The following MUC5AC variants were observed in gnomAD, a reference collection of about 807,000 sequenced individuals.
MUC5AC encodes the protein mucin-5AC.
A neutral mutation model predicts 169.7 loss-of-function variants in MUC5AC; 158 were observed. The ratio of observed to expected loss-of-function variants is 0.93; its 90% CI spans 0.82 to 1.06. The LOEUF (loss-of-function observed/expected upper bound fraction) is 1.06. Ranked by LOEUF, MUC5AC falls within the 50% of genes least tolerant of loss-of-function variation. The pLI is 0.00. For synonymous variants in MUC5AC, 1,975 were observed against 1,237.0 expected, an observed-to-expected ratio of 1.60 and a Z score of -12.52; for missense variants, 4,359 against 3,089.9, an observed-to-expected ratio of 1.41 and a Z score of -9.74.
Position 1,160,752 on chromosome 11 carries a change from C to T in MUC5AC, c.151+63C>T, listed in dbSNP as rs1022072630. On this transcript the variant is annotated intron_variant, in intron 2 of 48. Coordinates refer to ENST00000621226, the MANE Select transcript of MUC5AC (RefSeq NM_001304359.2). ...AGATTCCACCCTCCACCGTGTGGCA[C>T]GGCCCCTAGGGCCACTGGTCTTAGG... is the stretch of plus-strand genomic sequence containing the variant. 4.2e-5 allele frequency: 63 copies of T among 1,508,162 alleles called. 1 individual carries two copies. The highest frequency in any genetic ancestry group is 1.3e-4 in the Admixed American group (7 of 53,524). 93.4% of individuals were successfully genotyped at this position (1,508,162 alleles called of 1,614,324 possible). A position where few individuals can be genotyped will look rare whatever the true frequency, so the allele number is the denominator to read the frequency against.
intron 26 of MUC5AC, 41 bp from the exon 27 acceptor site, chr11:1,179,981 A>G (rs1860777432): frequency 1.5e-5 from 6 of 398,368 alleles, no homozygotes; most frequent in Admixed American, 4.4e-5. Flanking sequence ...TCTGCGAGTG[A>G]GTTCCTGGGA....
At position 1,188,147 on chromosome 11, in the gene MUC5AC, A is replaced by C; in HGVS notation, c.10002A>C (p.Thr3334=). ...GCCCCGTGACCTCCACACCTGTGACAGCTCCTAGCACCCCTAGTGGGAGAG... is the reference window on the plus strand; with the variant it reads ...GCCCCGTGACCTCCACACCTGTGACCGCTCCTAGCACCCCTAGTGGGAGAG... ...KGCPVTSTPV[T]APSTPSGRAT... Residue 3334 remains threonine (T), a synonymous_variant, in exon 31 of 49, where the codon ACA becomes ACC. Coordinates refer to ENST00000621226, the MANE Select transcript of MUC5AC (RefSeq NM_001304359.2). 1.4e-6 allele frequency: 1 copy of C among 720,180 alleles called. No homozygotes were observed. The highest frequency in any genetic ancestry group is 2.4e-5 in the East Asian group (1 of 40,922). 44.6% of individuals were successfully genotyped at this position (720,180 alleles called of 1,614,324 possible). A position where few individuals can be genotyped will look rare whatever the true frequency, so the allele number is the denominator to read the frequency against.
At position 1,181,465 on chromosome 11, in the gene MUC5AC, G is replaced by A. The variant is rs1232686943; in HGVS notation, c.4009+6G>A. 2 of 344,568 alleles carry A rather than the reference G, an allele frequency of 5.8e-6. No individual in the cohort carries two copies. The highest frequency in any genetic ancestry group is 7.6e-5 in the East Asian group (2 of 26,344). 21.3% of individuals were successfully genotyped at this position (344,568 alleles called of 1,614,324 possible). On this transcript the variant is annotated splice_donor_region_variant and intron_variant, in intron 30 of 48. Coordinates refer to ENST00000621226, the MANE Select transcript of MUC5AC (RefSeq NM_001304359.2). ...CTTCTCCACACCCCCGCTTGGTAAG[G>A]CAAATGTGGCCGAGGAGCCCCAGGG...
intron 48 of MUC5AC, 114 bp from the exon 49 acceptor site, chr11:1,200,324 A>G: frequency 1.7e-6 from 1 of 602,690 alleles, no homozygotes; most frequent in South Asian, 1.9e-5. Context: ...CACTGGCAGC[A>G]TGCCTCCAGG....
Position 1,198,018 on chromosome 11 carries a change from A to T in MUC5AC, c.16135+14A>T. ...TCCAAAACTGCAGTGAGTGGCCTGG[A>T]CCAGGCCCTGTCAGGGGCCGTGGGC... On this transcript the variant is annotated intron_variant, in intron 42 of 48. Coordinates refer to ENST00000621226, the MANE Select transcript of MUC5AC (RefSeq NM_001304359.2). The T allele has an allele frequency of 1.5e-6, 1 of 669,370 alleles. No homozygotes were observed. The highest frequency in any genetic ancestry group is 1.6e-5 in the South Asian group (1 of 61,454). The allele number at this position is 669,370 out of a possible 1,614,324, so 41.5% of individuals were successfully genotyped here. A position where few individuals can be genotyped will look rare whatever the true frequency, so the allele number is the denominator to read the frequency against.
chr11:1,163,190 G>T, intron 6 of MUC5AC, 145 bp downstream of exon 6: 1 of 778,588 alleles, frequency 1.3e-6, no homozygotes. Context: ...CAGCACACAC[G>T]TGCACACACG....
chr11:1,170,464 C>T (rs1172662424), intron 15 of MUC5AC, among the ~76,000 whole-genome samples: 4 of 136,634 alleles, frequency 2.9e-5, no homozygotes, highest in East Asian at 2.3e-4. Flanking sequence ...CACTCACCGA[C>T]TCACCCATTC....
intron 46 of MUC5AC, 35 bp from the exon 47 acceptor site, chr11:1,199,660 G>A (rs897436373): frequency 5.6e-5 from 39 of 702,222 alleles, no homozygotes; most frequent in East Asian, 2.7e-4. Flanking sequence ...GCCGCCGAGC[G>A]CCTCGGCACT....
At position 1,196,925 on chromosome 11, in the gene MUC5AC, GC is replaced by G; in HGVS notation, c.15861+20del. 1.3e-6 allele frequency: 1 copy of G among 760,288 alleles called. No homozygotes were observed. Among genetic ancestry groups the G allele is most frequent in the Non-Finnish European group, 2.4e-6 (1 of 415,890 alleles). The allele number at this position is 760,288 out of a possible 1,614,324, so 47.1% of individuals were successfully genotyped here. ...CCGGTGAAGGTGAGTGGAAGGCATG[GC>G]CCAAGAGGGCACTGGGGTCCAAGAG... On this transcript the variant is annotated intron_variant, in intron 40 of 48. Transcript: ENST00000621226.
chr11:1,175,677 C>A (rs1860658803), intron 19 of MUC5AC, among the ~76,000 whole-genome samples: 4 of 149,414 alleles, frequency 2.7e-5, no homozygotes. Context: ...CACTCACACC[C>A]ACTCATGCAC....
Position 1,195,133 on chromosome 11 carries a change from G to C in MUC5AC, c.15312G>C (p.Arg5104=), listed in dbSNP as rs1861234172. ...VSIPDQPACH[R]PHPTPTTVGP... is the part of the protein sequence containing the mutation. ...TACCCGACCAGCCAGCCTGCCACCG[G>C]CCTCACCCGACGCCCACCACGGTCG... is the stretch of plus-strand genomic sequence containing the variant. The change falls in exon 36 of 49, where the codon CGG becomes CGC. Residue 5104 remains arginine, a synonymous_variant. Coordinates refer to ENST00000621226, the MANE Select transcript of MUC5AC (RefSeq NM_001304359.2). The C allele has an allele frequency of 1.3e-6, 1 of 762,288 alleles. No individual in the cohort carries two copies. The highest frequency in any genetic ancestry group is 2.4e-6 in the Non-Finnish European group (1 of 416,988). The allele number at this position is 762,288 out of a possible 1,614,324, so 47.2% of individuals were successfully genotyped here.
intron 24 of MUC5AC, 103 bp downstream of exon 24, chr11:1,177,736 A>C: frequency 2.6e-6 from 1 of 391,250 alleles, no homozygotes; most frequent in Non-Finnish European, 4.5e-6. Flanking sequence ...CACAGAGAGA[A>C]ACACAGAGAT....
rs958315282 is a variant in MUC5AC at position 1,180,586 on chromosome 11, G to C, written c.3776+70G>C. 1.3e-5 allele frequency: 5 copies of C among 398,766 alleles called. No individual in the cohort carries two copies. The Admixed American group carries it at 1.8e-4, about 14-fold the overall frequency. The allele number at this position is 398,766 out of a possible 1,614,324, so 24.7% of individuals were successfully genotyped here. ...GGAATTTGACCACGGCCTGGGCTTT[G>C]GGTGGGGCTGGGAGCGGCAGGGCTG... On this transcript the variant is annotated intron_variant, in intron 28 of 48. Transcript: ENST00000621226.
At position 1,160,854 on chromosome 11, in the gene MUC5AC, C is replaced by G. The variant is rs532811948; in HGVS notation, c.151+165C>G. Among the ~76,000 whole-genome samples the G allele has an allele frequency of 5.9e-5, 9 of 152,334 alleles. No homozygotes were observed. In the South Asian group the frequency reaches 1.9e-3, roughly 32 times the overall value. On this transcript the variant is annotated intron_variant, in intron 2 of 48. Transcript: ENST00000621226. ...ACACCCCCACATCCATGGCCCTGGTCGGTCACACTACCTGCCTCTCCTTGG... is the reference window on the plus strand; with the variant it reads ...ACACCCCCACATCCATGGCCCTGGTGGGTCACACTACCTGCCTCTCCTTGG...
rs770205379 is a variant in MUC5AC, at chr11:1,200,665, G to A, written c.16928G>A (p.Ser5643Asn). The change falls in exon 49 of 49, where the codon AGC becomes AAC. Residue 5643 changes from serine (S) to asparagine (N), a missense_variant. Coordinates refer to ENST00000621226, the MANE Select transcript of MUC5AC (RefSeq NM_001304359.2). ...PEPSQEAESG[S>N]WERGVPVSPM... ...CCCAGCCAGGAGGCAGAGAGTGGGA[G>A]CTGGGAGAGAGGCGTCCCAGTGTCC... 1.3e-6 allele frequency: 1 copy of A among 762,590 alleles called. No homozygotes were observed. The highest frequency in any genetic ancestry group is 2.4e-6 in the Non-Finnish European group (1 of 416,142). 47.2% of individuals were successfully genotyped at this position (762,590 alleles called of 1,614,324 possible).
In MUC5AC at chr11:1,176,232, A is replaced by G. The variant is rs1435042957; in HGVS notation, c.2483A>G (p.His828Arg). ...GGGGCTGGCTGTCAGAAGAGCTGCC[A>G]CACACTGGACATGACCTGTGTAAGT... is the stretch of plus-strand genomic sequence containing the variant. ...DTGAGCQKSC[H>R]TLDMTCYSPQ... Residue 828 changes from histidine to arginine, a missense_variant, in exon 20 of 49, where the codon CAC becomes CGC. Transcript: ENST00000621226. The G allele has an allele frequency of 2.5e-6, 1 of 398,546 alleles. No individual in the cohort carries two copies. Among genetic ancestry groups the G allele is most frequent in the African/African-American group, 2.1e-5 (1 of 48,610 alleles). The allele number at this position is 398,546 out of a possible 1,614,324, so 24.7% of individuals were successfully genotyped here. A position where few individuals can be genotyped will look rare whatever the true frequency, so the allele number is the denominator to read the frequency against.
Position 1,181,453 on chromosome 11 carries a change from C to T in MUC5AC, c.4003C>T (p.Pro1335Ser), listed in dbSNP as rs1860813409. 2 of 385,680 alleles carry T rather than the reference C, an allele frequency of 5.2e-6. No homozygotes were observed. Among genetic ancestry groups the T allele is most frequent in the Non-Finnish European group, 9.0e-6 (2 of 221,404 alleles). The allele number at this position is 385,680 out of a possible 1,614,324, so 23.9% of individuals were successfully genotyped here. A position where few individuals can be genotyped will look rare whatever the true frequency, so the allele number is the denominator to read the frequency against. The change falls in exon 30 of 49, where the codon CCG (proline) becomes TCG (serine). Residue 1335 changes from proline to serine, a missense_variant. Coordinates refer to ENST00000621226, the MANE Select transcript of MUC5AC (RefSeq NM_001304359.2). ...AACCACCTTCTCCTTCTCCACACCC[C>T]CGCTTGGTAAGGCAAATGTGGCCGA... ...PPTTFSFSTP[P>S]LVVSSTHTPS... is the part of the protein sequence containing the mutation.
At chr11:1,164,343 C>G in intron 8 of MUC5AC, 24 bp downstream of exon 8, 1 of 1,611,900 alleles carries the variant, frequency 6.2e-7, no homozygotes, top group Non-Finnish European at 8.5e-7. Flanking sequence ...CCCCCTGTCC[C>G]CCAACCCCTT....
chr11:1,186,629 A>G lies in MUC5AC; in HGVS notation c.8484A>G (p.Thr2828=), dbSNP rs1408732708. 4.9e-4 allele frequency: 358 copies of G among 728,828 alleles called. No individual in the cohort carries two copies. Among genetic ancestry groups the G allele is most frequent in the Middle Eastern group, 6.8e-4 (3 of 4,406 alleles). 45.1% of individuals were successfully genotyped at this position (728,828 alleles called of 1,614,324 possible). ...CAACTTCGGCTCCTACAACCAGCAC[A>G]ACTTCTGGTCCTGGAACTACTTCAA... ...TSTTSAPTTS[T]TSGPGTTSSP... is the part of the protein sequence containing the mutation. Residue 2828 remains threonine, a synonymous_variant, in exon 31 of 49, where the codon ACA becomes ACG. Transcript: ENST00000621226.
Sources: gnomAD v4.1 joint callset for allele counts (sites outside exome capture counted in the v4.1 genomes callset) on GRCh38, gnomAD v4.1.1 for gene constraint, MANE v1.5 for transcripts, NCBI Gene and HGNC (gene_info 2026-07-23, HGNC 2026-07-21) for gene names.